GALNTL6: variants seen among roughly 807,000 people sequenced by gnomAD.
The protein encoded by GALNTL6 is polypeptide N-acetylgalactosaminyltransferase-like 6.
GALNTL6 carries 46 observed loss-of-function variants against 73.7 expected under a neutral mutation model. The ratio of observed to expected loss-of-function variants is 0.62; its 90% CI spans 0.49 to 0.80. The LOEUF is 0.80. Ranked by LOEUF, GALNTL6 falls within the 30% of genes least tolerant of loss-of-function variation. The pLI is 0.00. For missense variants in GALNTL6, 604 were observed against 755.0 expected, an observed-to-expected ratio of 0.80 and a Z score of 2.34; for synonymous variants, 259 against 263.7, an observed-to-expected ratio of 0.98 and a Z score of 0.17.
chr4:172,365,867 C>T (rs550230175), intron 5 of GALNTL6, among the ~76,000 whole-genome samples: 66 of 151,948 alleles, frequency 4.3e-4, no homozygotes, highest in South Asian at 1.9e-3. Flanking sequence ...TTTAGACATC[C>T]GGTATAATCA....
At chr4:172,687,645 AT>A (rs1733008072) in intron 5 of GALNTL6, among the ~76,000 whole-genome samples, 2 of 142,984 alleles carry the variant, frequency 1.4e-5, no homozygotes, top group African/African-American at 5.0e-5. Context: ...AAAAAAAAAA[AT>A]TTCTTGAAGC....
rs184984413 is a variant in GALNTL6 at position 172,130,948 on chromosome 4, C to T, written c.139-98708C>T. ...TGTATTTCTATGCACCCTCTATCTACTCCTTTCATGAGTATACCTCATGTA... is the reference window on the plus strand; with the variant it reads ...TGTATTTCTATGCACCCTCTATCTATTCCTTTCATGAGTATACCTCATGTA... On this transcript the variant is annotated intron_variant, in intron 2 of 12. Transcript: ENST00000506823. 3.5e-4 allele frequency among the ~76,000 whole-genome samples: 53 copies of T among 152,174 alleles called. 1 individual carries two copies. The highest frequency in any genetic ancestry group is 2.9e-5 in the Non-Finnish European group (2 of 67,948).
At chr4:171,843,775 T>G (rs1412955855) in intron 2 of GALNTL6, among the ~76,000 whole-genome samples, 1 of 152,144 alleles carries the variant, frequency 6.6e-6, no homozygotes, top group Admixed American at 6.6e-5. Flanking sequence ...GTTTTAGACA[T>G]TCACAGAACA....
intron 2 of GALNTL6, among the ~76,000 whole-genome samples, chr4:172,038,936 G>A (rs376498568): frequency 1.3e-5 from 2 of 152,178 alleles, no homozygotes; most frequent in African/African-American, 4.8e-5. Flanking sequence ...ATCTTTCTCT[G>A]CTGAGATATT....
chr4:172,847,471 T>G (rs1743575389), intron 7 of GALNTL6, among the ~76,000 whole-genome samples: 1 of 152,086 alleles, frequency 6.6e-6, no homozygotes, highest in South Asian at 2.1e-4. Context: ...ATTTTCTCTG[T>G]GTATGCTTGT....
At chr4:172,635,494 T>A (rs892089113) in intron 5 of GALNTL6, among the ~76,000 whole-genome samples, 1 of 152,120 alleles carries the variant, frequency 6.6e-6, no homozygotes, top group African/African-American at 2.4e-5. Flanking sequence ...TTTGACCCAT[T>A]AATCTGTCTT....
intron 12 of GALNTL6, 57 bp downstream of exon 12, chr4:173,021,682 C>A: frequency 6.3e-7 from 1 of 1,576,202 alleles, no homozygotes; most frequent in Non-Finnish European, 8.7e-7. Flanking sequence ...GTTATTCTTA[C>A]TCAGTTTTCT....
At chr4:172,446,768 C>A (rs1163447128) in intron 5 of GALNTL6, among the ~76,000 whole-genome samples, 1 of 152,092 alleles carries the variant, frequency 6.6e-6, no homozygotes, top group Non-Finnish European at 1.5e-5. Context: ...ACACTCATAG[C>A]CTTCATCATG....
chr4:172,116,931 C>CT (rs1375106553), intron 2 of GALNTL6, among the ~76,000 whole-genome samples: 3 of 151,918 alleles, frequency 2.0e-5, no homozygotes, highest in Admixed American at 6.6e-5. Context: ...ACCTTTATTG[C>CT]TTTTTAAAAA....
At chr4:172,539,772 T>C (rs983985728) in intron 5 of GALNTL6, among the ~76,000 whole-genome samples, 1 of 151,224 alleles carries the variant, frequency 6.6e-6, no homozygotes. Flanking sequence ...ATGATTGCCA[T>C]AATATTGATA....
intron 2 of GALNTL6, among the ~76,000 whole-genome samples, chr4:172,017,589 G>A (rs576275160): frequency 1.4e-4 from 22 of 152,174 alleles, no homozygotes; most frequent in Admixed American, 7.2e-4. Flanking sequence ...CGGTGCAGAC[G>A]TTCCCTACTA....
At chr4:172,307,092 G>A (rs1211332495) in intron 3 of GALNTL6, among the ~76,000 whole-genome samples, 1 of 152,110 alleles carries the variant, frequency 6.6e-6, no homozygotes, top group Non-Finnish European at 1.5e-5. Flanking sequence ...GTGTAAAAGT[G>A]TTCCTCTTTA....
At chr4:171,932,895 C>A (rs191955223) in intron 2 of GALNTL6, among the ~76,000 whole-genome samples, 2 of 152,130 alleles carry the variant, frequency 1.3e-5, no homozygotes, top group African/African-American at 4.8e-5. Context: ...TGCTGGCATC[C>A]ATATTCAATA....
chr4:172,820,862 A>G (rs528798904), intron 7 of GALNTL6, among the ~76,000 whole-genome samples: 2 of 152,328 alleles, frequency 1.3e-5, no homozygotes, highest in African/African-American at 4.8e-5. Flanking sequence ...ATAATTCTCT[A>G]TGATTGAGGT....
intron 2 of GALNTL6, among the ~76,000 whole-genome samples, chr4:171,886,630 T>A (rs968026703): frequency 6.6e-6 from 1 of 152,120 alleles, no homozygotes; most frequent in African/African-American, 2.4e-5. Flanking sequence ...CTCAAAATCA[T>A]GGCAGAAGGT....
At chr4:172,575,391 A>C (rs935016673) in intron 5 of GALNTL6, among the ~76,000 whole-genome samples, 2 of 152,206 alleles carry the variant, frequency 1.3e-5, no homozygotes, top group African/African-American at 4.8e-5. Flanking sequence ...CACACATTTC[A>C]TGTAGATAAT....
chr4:173,000,888 A>G lies in GALNTL6; in HGVS notation c.1372-8290A>G, dbSNP rs144890376. Among the ~76,000 whole-genome samples, 370 of 152,338 alleles carry G rather than the reference A, an allele frequency of 2.4e-3. 2 individuals are homozygous for G. Among genetic ancestry groups the G allele is most frequent in the African/African-American group, 8.4e-3 (349 of 41,580 alleles). On this transcript the variant is annotated intron_variant, in intron 10 of 12. Coordinates refer to ENST00000506823, the MANE Select transcript of GALNTL6 (RefSeq NM_001034845.3). ...ATTGAATTATGTCTCCCCAAAATTT[A>G]TATGTTGAAATCCTAATCCTTGGTA... is the stretch of plus-strand genomic sequence containing the variant.
chr4:172,844,540 A>C (rs1479504958), intron 7 of GALNTL6, among the ~76,000 whole-genome samples: 5 of 152,252 alleles, frequency 3.3e-5, no homozygotes, highest in African/African-American at 1.2e-4. Context: ...GAGGGTTTCA[A>C]GTTAAAATTA....
At chr4:172,813,245 C>T (rs58238195) in intron 6 of GALNTL6, among the ~76,000 whole-genome samples, 2,721 of 152,238 alleles carry the variant, frequency 0.018, 72 homozygotes, top group African/African-American at 0.059. Flanking sequence ...AAATGACAGA[C>T]TGGGGACAGG....
Sources: allele counts gnomAD v4.1 joint callset (sites outside exome capture counted in the v4.1 genomes callset), GRCh38; gene constraint gnomAD v4.1.1; transcripts MANE v1.5; gene names NCBI Gene and HGNC (gene_info 2026-07-23, HGNC 2026-07-21).